The following EIF4G3 variants were observed in gnomAD, a reference collection of about 807,000 sequenced individuals.
EIF4G3 encodes the protein eIF-4-gamma 3.
A neutral mutation model predicts 186.4 loss-of-function variants in EIF4G3; 34 were observed. The ratio of observed to expected loss-of-function variants is 0.18; its 90% confidence interval spans 0.14 to 0.24. EIF4G3 has a LOEUF of 0.24. Ranked by LOEUF, EIF4G3 falls within the 10% of genes least tolerant of loss-of-function variation. EIF4G3 has a pLI of 1.00. For missense variants in EIF4G3, 1,536 were observed against 1,948.5 expected, an observed-to-expected ratio of 0.79 and a Z score of 3.99; for synonymous variants, 673 against 679.5, an observed-to-expected ratio of 0.99 and a Z score of 0.15.
At chr1:20,916,885 A>G (rs895451092) in intron 14 of EIF4G3, among the ~76,000 whole-genome samples, 5 of 152,238 alleles carry the variant, frequency 3.3e-5, no homozygotes, top group African/African-American at 1.2e-4. Flanking sequence ...ATTTTCAGAC[A>G]TTACTGGTGG....
chr1:20,881,780 C>T (rs1453852313), intron 19 of EIF4G3, among the ~76,000 whole-genome samples: 3 of 150,828 alleles, frequency 2.0e-5, no homozygotes, highest in African/African-American at 7.3e-5. Context: ...AAAGTGAGAC[C>T]CTGTCTCAAA....
At chr1:21,043,039 G>T (rs993386901) in intron 4 of EIF4G3, among the ~76,000 whole-genome samples, 2 of 152,204 alleles carry the variant, frequency 1.3e-5, no homozygotes, top group Admixed American at 6.5e-5. Context: ...AATAAATGAA[G>T]TGTGATATTC....
intron 2 of EIF4G3, among the ~76,000 whole-genome samples, chr1:21,133,464 A>G (rs1222772195): frequency 6.6e-6 from 1 of 152,054 alleles, no homozygotes; most frequent in Non-Finnish European, 1.5e-5. Flanking sequence ...TGACCTCGTG[A>G]TCCGCCCACC....
intron 10 of EIF4G3, among the ~76,000 whole-genome samples, chr1:20,973,446 C>G (rs1156420279): frequency 6.6e-6 from 1 of 152,210 alleles, no homozygotes; most frequent in East Asian, 1.9e-4. Context: ...GCAACTGTGA[C>G]TCTCACACAA....
At chr1:20,930,989 C>T (rs1009860936) in intron 14 of EIF4G3, among the ~76,000 whole-genome samples, 9 of 151,440 alleles carry the variant, frequency 5.9e-5, no homozygotes, top group South Asian at 2.1e-4. Flanking sequence ...TACAGGCGTG[C>T]GCCACTGCAC....
rs1469701363 is a variant in EIF4G3 at position 20,825,294 on chromosome 1, C to A, written c.4270-96G>T. On this transcript the variant is annotated intron_variant, in intron 32 of 36. Transcript: ENST00000602326. ...AAGATTTGCTTGAAGTCAAACAGTGCAAACCCCAAAAAGCTGAAAAATCAA... is the reference window on the plus strand; with the variant it reads ...AAGATTTGCTTGAAGTCAAACAGTGAAAACCCCAAAAAGCTGAAAAATCAA... 4 of 931,182 alleles carry A rather than the reference C, an allele frequency of 4.3e-6. No individual in the cohort carries two copies. The African/African-American group carries it at 6.9e-5, about 16-fold the overall frequency. The allele number at this position is 931,182 out of a possible 1,614,324, so 57.7% of individuals were successfully genotyped here.
intron 2 of EIF4G3, among the ~76,000 whole-genome samples, chr1:21,121,757 A>G: frequency 6.6e-6 from 1 of 150,704 alleles, no homozygotes; most frequent in Non-Finnish European, 1.5e-5. Context: ...CCTGGGTGAC[A>G]GGGCAAGACT....
intron 25 of EIF4G3, among the ~76,000 whole-genome samples, chr1:20,856,598 G>C (rs973870178): frequency 6.6e-6 from 1 of 152,132 alleles, no homozygotes; most frequent in Non-Finnish European, 1.5e-5. Context: ...CTCTCAAAAA[G>C]AGAGGAAAGC....
At chr1:20,951,803 G>A (rs1024176780) in intron 12 of EIF4G3, among the ~76,000 whole-genome samples, 9 of 151,986 alleles carry the variant, frequency 5.9e-5, no homozygotes, top group Non-Finnish European at 7.4e-5. Flanking sequence ...GACATTCAAA[G>A]AAAAAGTAAG....
At chr1:20,842,849 T>G (rs186960779) in intron 29 of EIF4G3, among the ~76,000 whole-genome samples, 261 of 151,816 alleles carry the variant, frequency 1.7e-3, no homozygotes, top group Non-Finnish European at 3.0e-3. Flanking sequence ...TTTTAGTTTT[T>G]TTTTTTTTTT....
intron 20 of EIF4G3, among the ~76,000 whole-genome samples, chr1:20,875,348 C>G (rs1348879346): frequency 1.3e-5 from 2 of 152,152 alleles, no homozygotes; most frequent in African/African-American, 2.4e-5. Context: ...ACTTCACTGA[C>G]ATACAATGAG....
At chr1:20,981,544 C>G (rs920194682) in intron 8 of EIF4G3, among the ~76,000 whole-genome samples, 1 of 129,008 alleles carries the variant, frequency 7.8e-6, no homozygotes, top group African/African-American at 3.6e-5. Context: ...TACGCACATA[C>G]TGTATGTATA....
At chr1:20,854,066 GA>G (rs1289113533) in intron 26 of EIF4G3, among the ~76,000 whole-genome samples, 2 of 151,690 alleles carry the variant, frequency 1.3e-5, no homozygotes, top group East Asian at 3.9e-4. Flanking sequence ...AAAATTTAAA[GA>G]AAAAAAGGTT....
intron 2 of EIF4G3, among the ~76,000 whole-genome samples, chr1:21,090,785 TGAAA>T (rs1010463508): frequency 6.6e-6 from 1 of 152,172 alleles, no homozygotes; most frequent in African/African-American, 2.4e-5. Flanking sequence ...ATTCTTAAAG[TGAAA>T]GACTCAAGTT....
intron 12 of EIF4G3, among the ~76,000 whole-genome samples, chr1:20,962,488 AG>A (rs1428302904): frequency 6.6e-6 from 1 of 152,202 alleles, no homozygotes. Flanking sequence ...CCACAGCTGC[AG>A]ATCTCAATCT....
rs746617073 is a variant in EIF4G3 at position 21,105,083 on chromosome 1, T to C, written c.-271-15870A>G. On this transcript the variant is annotated intron_variant, in intron 2 of 36. Transcript: ENST00000602326. ...TGAAGTGTGAGTGGAGAGTGAGGGTTGAAAAACTACCTATCAAGTACTATG... is the reference window on the plus strand; with the variant it reads ...TGAAGTGTGAGTGGAGAGTGAGGGTCGAAAAACTACCTATCAAGTACTATG... 1.1e-4 allele frequency among the ~76,000 whole-genome samples: 17 copies of C among 152,098 alleles called. 1 individual carries two copies. The highest frequency in any genetic ancestry group is 1.9e-4 in the Non-Finnish European group (13 of 68,008).
Position 21,000,884 on chromosome 1 carries a change from G to A in EIF4G3, c.144+315C>T, listed in dbSNP as rs988920664. ...TTAATATTCAATTATAAAATTGAAAGGGAGTAAAAAGAAGCCTCGAAATTT... is the reference window on the plus strand; with the variant it reads ...TTAATATTCAATTATAAAATTGAAAAGGAGTAAAAAGAAGCCTCGAAATTT... On this transcript the variant is annotated intron_variant, in intron 6 of 36. Coordinates refer to ENST00000602326, the MANE Select transcript of EIF4G3 (RefSeq NM_001391906.1). Among the ~76,000 whole-genome samples, 7 of 152,214 alleles carry A rather than the reference G, an allele frequency of 4.6e-5. 1 individual carries two copies. The highest frequency in any genetic ancestry group is 2.6e-4 in the Admixed American group (4 of 15,294).
At chr1:20,828,757 T>C (rs1009735141) in intron 31 of EIF4G3, among the ~76,000 whole-genome samples, 1 of 152,214 alleles carries the variant, frequency 6.6e-6, no homozygotes, top group Admixed American at 6.5e-5. Context: ...TTTATTATAA[T>C]CATGAGCATG....
chr1:21,085,924 C>T (rs2095956225), intron 3 of EIF4G3, among the ~76,000 whole-genome samples: 1 of 152,088 alleles, frequency 6.6e-6, no homozygotes, highest in African/African-American at 2.4e-5. Flanking sequence ...AATCTCCTGA[C>T]CTCGTGATCC....
Sources: allele counts gnomAD v4.1 joint callset (sites outside exome capture counted in the v4.1 genomes callset), GRCh38; gene constraint gnomAD v4.1.1; transcripts MANE v1.5; gene names NCBI Gene and HGNC (gene_info 2026-07-23, HGNC 2026-07-21).